Variants in OR11A1 observed in about 807,000 individuals in gnomAD.
OR11A1 encodes olfactory receptor family 11 subfamily A member 1, also known as olfactory receptor 11A1.
For missense variants in OR11A1, 380 were observed against 378.2 expected (o/e 1.00, Z -0.04); for synonymous variants, 158 against 152.2 (o/e 1.04, Z -0.28).
At position 29,447,221 on chromosome 6, in the gene OR11A1, C is replaced by A. The variant is rs143973345; in HGVS notation, c.-389+9766G>T. On this transcript the variant is annotated intron_variant, in intron 1 of 4. Coordinates refer to ENST00000377149, the MANE Select transcript of OR11A1 (RefSeq NM_001394828.1). ...GAATACAAATGATAAACATAGAAAC[C>A]CTGACCATCCTTGACTCCAAGGGTA... Among the ~76,000 whole-genome samples the A allele has an allele frequency of 3.1e-3, 467 of 152,252 alleles. 2 individuals are homozygous for A. The highest frequency in any genetic ancestry group is 0.011 in the African/African-American group (441 of 41,558).
In OR11A1 at chr6:29,430,432, G is replaced by A. The variant is rs1228050936; in HGVS notation, c.-264-7C>T. ...GAGTCTTTCTATAGGATTCCTGCCA[G>A]GAGAGAGGTGAGCATGTAAATCAGG... is the stretch of plus-strand genomic sequence containing the variant. On this transcript the variant is annotated splice_region_variant and splice_polypyrimidine_tract_variant and intron_variant, in intron 2 of 4. Coordinates refer to ENST00000377149, the MANE Select transcript of OR11A1 (RefSeq NM_001394828.1). 14 of 985,256 alleles carry A rather than the reference G, an allele frequency of 1.4e-5. No homozygotes were observed. The highest frequency in any genetic ancestry group is 1.6e-5 in the Non-Finnish European group (13 of 829,916). 61.0% of individuals were successfully genotyped at this position (985,256 alleles called of 1,614,324 possible).
At chr6:29,440,810 C>T (rs753327604) in intron 1 of OR11A1, 5 of 1,613,904 alleles carry the variant, frequency 3.1e-6, no homozygotes, top group African/African-American at 1.3e-5. Flanking sequence ...AGGCCAGCTA[C>T]GATCCGGCCA....
At chr6:29,444,167 C>T (rs1363698782) in intron 1 of OR11A1, among the ~76,000 whole-genome samples, 1 of 152,114 alleles carries the variant, frequency 6.6e-6, no homozygotes, top group Non-Finnish European at 1.5e-5. Context: ...GAATGGGTCT[C>T]ACATGATCTG....
chr6:29,428,351 GAGA>G, intron 4 of OR11A1: 1 of 985,596 alleles, frequency 1.0e-6, no homozygotes. Context: ...CATGGGAGCA[GAGA>G]AGGACCAAAC....
intron 1 of OR11A1, among the ~76,000 whole-genome samples, chr6:29,451,292 G>A (rs1785349024): frequency 6.6e-6 from 1 of 152,158 alleles, no homozygotes; most frequent in Non-Finnish European, 1.5e-5. Context: ...ATACAAATGG[G>A]TGAAGATTTC....
chr6:29,445,197 G>T (rs1295345407), intron 1 of OR11A1, among the ~76,000 whole-genome samples: 1 of 152,098 alleles, frequency 6.6e-6, no homozygotes. Flanking sequence ...AGTAGAGACG[G>T]GGTTTCACCA....
chr6:29,439,592 A>G (rs1190468366), intron 1 of OR11A1: 1 of 173,452 alleles, frequency 5.8e-6, no homozygotes, highest in East Asian at 1.6e-4. Flanking sequence ...CAGACAGGAG[A>G]CAAGTTGATG....
Position 29,425,861 on chromosome 6 carries a change from T to G in OR11A1, c.*833A>C, listed in dbSNP as rs1180063355. 3 of 152,198 alleles carry G rather than the reference T, an allele frequency of 2.0e-5. No homozygotes were observed. Among genetic ancestry groups the G allele is most frequent in the African/African-American group, 4.8e-5 (2 of 41,452 alleles). 9.4% of individuals were successfully genotyped at this position (152,198 alleles called of 1,614,324 possible). On this transcript the variant is annotated 3_prime_UTR_variant, in exon 5 of 5. Transcript: ENST00000377149. ...ATCTTGCAATTTAGGTGCTAAAAGT[T>G]TATTACAGGAAAATCCAGATGTAAA...
In OR11A1 at chr6:29,426,191, A is replaced by G. The variant is rs1196354565; in HGVS notation, c.*503T>C. ...TTTTTAAATATTTATGACATATTTA[A>G]TAAAGAACTAATCAAAGTTTAAATA... On this transcript the variant is annotated 3_prime_UTR_variant, in exon 5 of 5. Transcript: ENST00000377149. 1 of 153,096 alleles carries G rather than the reference A, an allele frequency of 6.5e-6. No individual in the cohort carries two copies. Among genetic ancestry groups the G allele is most frequent in the African/African-American group, 2.4e-5 (1 of 41,464 alleles). 9.5% of individuals were successfully genotyped at this position (153,096 alleles called of 1,614,324 possible). A position where few individuals can be genotyped will look rare whatever the true frequency, so the allele number is the denominator to read the frequency against.
At chr6:29,438,888 T>G (rs1489756610) in intron 1 of OR11A1, among the ~76,000 whole-genome samples, 1 of 152,110 alleles carries the variant, frequency 6.6e-6, no homozygotes, top group Non-Finnish European at 1.5e-5. Flanking sequence ...AAATAGAAAA[T>G]AGAAAGACAC....
intron 1 of OR11A1, among the ~76,000 whole-genome samples, chr6:29,449,421 C>A (rs114854144): frequency 0.021 from 3,162 of 152,134 alleles, 66 homozygotes; most frequent in African/African-American, 0.059. Context: ...GCTATCTTGC[C>A]CCCTCTTAAT....
In OR11A1 at chr6:29,426,476, T is replaced by A. The variant is rs1363535269; in HGVS notation, c.*218A>T. The stretch of plus-strand genomic sequence containing the variant: ...AAATAATCTGTACAGTAAACCCCCA[T>A]GACACAAGTTTACCTATGTAACAAA... On this transcript the variant is annotated 3_prime_UTR_variant, in exon 5 of 5. Transcript: ENST00000377149. 7.3e-6 allele frequency: 4 copies of A among 545,288 alleles called. No homozygotes were observed. Among genetic ancestry groups the A allele is most frequent in the Non-Finnish European group, 1.3e-5 (4 of 308,276 alleles). 33.8% of individuals were successfully genotyped at this position (545,288 alleles called of 1,614,324 possible).
At chr6:29,432,450 TCCTC>T (rs1453564496) in intron 1 of OR11A1, among the ~76,000 whole-genome samples, 1 of 152,042 alleles carries the variant, frequency 6.6e-6, no homozygotes, top group African/African-American at 2.4e-5. Context: ...CCAACAGTGG[TCCTC>T]CCAGGAGCCT....
At chr6:29,434,735 C>T (rs1165708123) in intron 1 of OR11A1, among the ~76,000 whole-genome samples, 1 of 152,070 alleles carries the variant, frequency 6.6e-6, no homozygotes. Flanking sequence ...GACCACAGTC[C>T]CATGGATAAA....
In OR11A1 at chr6:29,455,816, T is replaced by C. The variant is rs192884910; in HGVS notation, c.-389+1171A>G. 1.5e-3 allele frequency among the ~76,000 whole-genome samples: 199 copies of C among 133,282 alleles called. 5 individuals carry two copies. In the East Asian group the frequency reaches 0.023, roughly 15 times the overall value. The allele number at this position is 133,282 out of a possible 152,430, so 87.4% of individuals were successfully genotyped here. On this transcript the variant is annotated intron_variant, in intron 1 of 4. Coordinates refer to ENST00000377149, the MANE Select transcript of OR11A1 (RefSeq NM_001394828.1). ...GCTTGAACCCAGGAGGCGGAGGTTT[T>C]AGTGAGCCGAGATCGTGCCATTGCA...
rs931796395 is a variant in OR11A1 at position 29,451,497 on chromosome 6, GA to G, written c.-389+5489del. Among the ~76,000 whole-genome samples, 8 of 151,514 alleles carry G rather than the reference GA, an allele frequency of 5.3e-5. No individual in the cohort carries two copies. The South Asian group carries it at 6.2e-4, about 12-fold the overall frequency. On this transcript the variant is annotated intron_variant, in intron 1 of 4. Coordinates refer to ENST00000377149, the MANE Select transcript of OR11A1 (RefSeq NM_001394828.1). ...CCAGAGCTTATAAGGAACTTAAAGA[GA>G]AAAAAAATTTTTTTTAAATGGGCAA...
chr6:29,430,864 T>C (rs1198050294), intron 2 of OR11A1, among the ~76,000 whole-genome samples: 1 of 152,114 alleles, frequency 6.6e-6, no homozygotes, highest in Non-Finnish European at 1.5e-5. Flanking sequence ...GTAGGATATA[T>C]GAGAGGCTGT....
Position 29,427,690 on chromosome 6 carries a change from G to A in OR11A1, c.-49C>T. 5.1e-6 allele frequency: 8 copies of A among 1,558,542 alleles called. 1 individual carries two copies. The Admixed American group carries it at 5.5e-5, about 11-fold the overall frequency. ...GGCAATAATTGGGGGAGAAATTTTAGCATGTCTCTGCATCTTCTATACCAA... is the reference window on the plus strand; with the variant it reads ...GGCAATAATTGGGGGAGAAATTTTAACATGTCTCTGCATCTTCTATACCAA... On this transcript the variant is annotated 5_prime_UTR_variant, in exon 5 of 5. Transcript: ENST00000377149.
At chr6:29,431,749 G>T in intron 2 of OR11A1, 115 bp downstream of exon 2, 1 of 445,140 alleles carries the variant, frequency 2.2e-6, no homozygotes, top group Non-Finnish European at 3.0e-6. Context: ...TGACTCTCTG[G>T]GTTAATTGAA....
Sources: gnomAD v4.1 joint callset for allele counts (sites outside exome capture counted in the v4.1 genomes callset) on GRCh38, gnomAD v4.1.1 for gene constraint, MANE v1.5 for transcripts, NCBI Gene and HGNC (gene_info 2026-07-23, HGNC 2026-07-21) for gene names.